GASK1A: variants seen among roughly 807,000 people sequenced by gnomAD.
GASK1A encodes the protein golgi associated kinase 1A.
Under a neutral mutation model 41.2 loss-of-function variants are expected in GASK1A, and 40 were observed. The observed-to-expected ratio is 0.97, with a 90% CI of 0.75 to 1.27. The LOEUF (loss-of-function observed/expected upper bound fraction) is 1.27. Among genes scored for constraint, GASK1A ranks in the 50% most tolerant of loss-of-function variants. The pLI, the probability that GASK1A is intolerant of heterozygous loss-of-function variation, is 0.00. For synonymous variants in GASK1A, 316 were observed against 307.1 expected (o/e 1.03, Z -0.30); for missense variants, 678 against 745.1 (o/e 0.91, Z 1.05).
chr3:43,055,334 C>A, intron 3 of GASK1A, 98 bp from the exon 4 acceptor site: 1 of 795,836 alleles, frequency 1.3e-6, no homozygotes. Context: ...GGACTGACAG[C>A]TCAGGGCTGT....
intron 2 of GASK1A, among the ~76,000 whole-genome samples, chr3:43,040,192 A>AT (rs143243888): frequency 0.022 from 3,307 of 150,838 alleles, 104 homozygotes; most frequent in African/African-American, 0.072. Context: ...TAAAACAACT[A>AT]TTTTTTTTTC....
intron 2 of GASK1A, among the ~76,000 whole-genome samples, chr3:43,047,902 C>T (rs991703366): frequency 6.6e-6 from 1 of 152,170 alleles, no homozygotes; most frequent in Admixed American, 6.5e-5. Context: ...CATTTGGAGT[C>T]AGGTTTTTCT....
intron 1 of GASK1A, among the ~76,000 whole-genome samples, chr3:43,010,886 A>T (rs1426409762): frequency 6.6e-6 from 1 of 152,154 alleles, no homozygotes; most frequent in Non-Finnish European, 1.5e-5. Context: ...TCCTCCTACC[A>T]TATTTGCTTG....
At chr3:42,988,791 C>G (rs2089326080) in intron 1 of GASK1A, among the ~76,000 whole-genome samples, 1 of 152,222 alleles carries the variant, frequency 6.6e-6, no homozygotes, top group South Asian at 2.1e-4. Context: ...CACTGCCTCT[C>G]TGTGCTTCAC....
At chr3:42,986,320 A>G (rs630718) in intron 1 of GASK1A, among the ~76,000 whole-genome samples, 144,633 of 152,280 alleles carry the variant, frequency 0.95, 68,900 homozygotes, top group East Asian at 1. Flanking sequence ...GGTTAGGGGT[A>G]GAGAGGCTGT....
intron 1 of GASK1A, among the ~76,000 whole-genome samples, chr3:43,022,518 G>C (rs996110410): frequency 7.9e-5 from 12 of 151,524 alleles, no homozygotes; most frequent in Admixed American, 7.2e-4. Flanking sequence ...AAGCCAACTT[G>C]TCCATGGCCA....
chr3:43,013,865 G>A (rs1038176866), intron 1 of GASK1A, among the ~76,000 whole-genome samples: 44 of 105,636 alleles, frequency 4.2e-4, no homozygotes, highest in African/African-American at 1.3e-3. Flanking sequence ...ACAGGCAGGG[G>A]CTTTGTGAAA....
At chr3:42,996,125 G>A (rs2089368047) in intron 1 of GASK1A, among the ~76,000 whole-genome samples, 1 of 151,382 alleles carries the variant, frequency 6.6e-6, no homozygotes, top group African/African-American at 2.4e-5. Flanking sequence ...GCAAACAGGG[G>A]GACATAAGAG....
At chr3:42,993,030 A>G (rs2089349884) in intron 1 of GASK1A, among the ~76,000 whole-genome samples, 1 of 152,238 alleles carries the variant, frequency 6.6e-6, no homozygotes, top group South Asian at 2.1e-4. Flanking sequence ...ACACTCAGCC[A>G]TTGTTACTGC....
intron 1 of GASK1A, among the ~76,000 whole-genome samples, chr3:43,006,184 C>T (rs2089435178): frequency 6.6e-6 from 1 of 152,194 alleles, no homozygotes; most frequent in Admixed American, 6.5e-5. Context: ...AGCCTTTTGA[C>T]CTGCTCCTTC....
chr3:43,049,906 C>T (rs1450330368), intron 2 of GASK1A, among the ~76,000 whole-genome samples: 1 of 148,146 alleles, frequency 6.8e-6, no homozygotes, highest in Non-Finnish European at 1.5e-5. Flanking sequence ...AAAAGACTTT[C>T]TTTCTATATA....
At position 43,032,902 on chromosome 3, in the gene GASK1A, T is replaced by G; in HGVS notation, c.639T>G (p.Gly213=). ...LLGAENRALT[G]GQQAEDPTLA... ...GAGCTGAGAACAGAGCCTTGACTGG[T>G]GGGCAACAAGCAGAGGATCCCACCT... is the stretch of plus-strand genomic sequence containing the variant. The change falls in exon 2 of 5, where the codon GGT becomes GGG. Residue 213 remains glycine (G), a synonymous_variant. Transcript: ENST00000430121. The G allele has an allele frequency of 6.4e-7, 1 of 1,550,962 alleles. No homozygotes were observed. Among genetic ancestry groups the G allele is most frequent in the Non-Finnish European group, 8.7e-7 (1 of 1,146,788 alleles).
At chr3:43,023,946 T>A (rs2089533718) in intron 1 of GASK1A, among the ~76,000 whole-genome samples, 1 of 152,158 alleles carries the variant, frequency 6.6e-6, no homozygotes. Flanking sequence ...AGTGATCAGG[T>A]CCTTGAGGTG....
chr3:42,996,326 A>C (rs2089369224), intron 1 of GASK1A, among the ~76,000 whole-genome samples: 2 of 152,140 alleles, frequency 1.3e-5, no homozygotes, highest in Admixed American at 1.3e-4. Flanking sequence ...TATCTACAAC[A>C]CCTCATGTAA....
chr3:43,018,343 A>G (rs1052750858), intron 1 of GASK1A, among the ~76,000 whole-genome samples: 2 of 152,196 alleles, frequency 1.3e-5, no homozygotes, highest in Admixed American at 6.5e-5. Context: ...CATGTGCTCA[A>G]TAAGTGGTCA....
At chr3:43,024,031 G>A (rs1454654882) in intron 1 of GASK1A, among the ~76,000 whole-genome samples, 3 of 152,188 alleles carry the variant, frequency 2.0e-5, no homozygotes, top group East Asian at 3.8e-4. Context: ...GGGACATAAC[G>A]TGGGTGTGTT....
chr3:43,039,044 T>C (rs1375968816), intron 2 of GASK1A, among the ~76,000 whole-genome samples: 1 of 151,834 alleles, frequency 6.6e-6, no homozygotes, highest in Non-Finnish European at 1.5e-5. Flanking sequence ...TTGACTTTTT[T>C]TTTTTTTTGG....
intron 1 of GASK1A, among the ~76,000 whole-genome samples, chr3:42,993,777 G>C (rs534391710): frequency 3.3e-5 from 5 of 152,308 alleles, no homozygotes; most frequent in African/African-American, 1.2e-4. Context: ...GCCAGGCACT[G>C]TGCTGGGTGT....
Position 43,039,147 on chromosome 3 carries a change from T to A in GASK1A, c.1290+5594T>A, listed in dbSNP as rs529936113. Among the ~76,000 whole-genome samples the A allele has an allele frequency of 2.0e-5, 3 of 151,898 alleles. No homozygotes were observed. The East Asian group carries it at 5.8e-4, about 29-fold the overall frequency. On this transcript the variant is annotated intron_variant, in intron 2 of 4. Transcript: ENST00000430121. ...TTTGCCCCATTTTCTTCTCTTTTTT[T>A]AAACATCTATTTTTCTTGCTACCAG...
Sources: gnomAD v4.1 joint callset for allele counts (sites outside exome capture counted in the v4.1 genomes callset) on GRCh38, gnomAD v4.1.1 for gene constraint, MANE v1.5 for transcripts, NCBI Gene and HGNC (gene_info 2026-07-23, HGNC 2026-07-21) for gene names.